Variants in CTNND2 observed in about 807,000 individuals in gnomAD.
The protein encoded by CTNND2 is catenin delta-2.
Under a neutral mutation model 144.4 loss-of-function variants are expected in CTNND2, and 22 were observed. The observed-to-expected ratio is 0.15, with a 90% CI of 0.11 to 0.22. The LOEUF is 0.22. CTNND2 is among the 10% of genes least tolerant of loss of function. The pLI is 1.00. For missense variants in CTNND2, 1,353 were observed against 1,618.8 expected (o/e 0.84, Z 2.82); for synonymous variants, 751 against 695.6 (o/e 1.08, Z -1.25).
At chr5:11,789,096 T>C (rs991921826) in intron 1 of CTNND2, among the ~76,000 whole-genome samples, 6 of 152,022 alleles carry the variant, frequency 3.9e-5, no homozygotes, top group African/African-American at 4.8e-5. Context: ...TGTGGAGAAA[T>C]AGGAACACTT....
At chr5:11,344,434 A>C in intron 9 of CTNND2, among the ~76,000 whole-genome samples, 1 of 152,188 alleles carries the variant, frequency 6.6e-6, no homozygotes, top group East Asian at 1.9e-4. Flanking sequence ...AATTTTAAGA[A>C]AACCCGACAA....
intron 11 of CTNND2, among the ~76,000 whole-genome samples, chr5:11,191,602 C>G (rs1736246697): frequency 6.6e-6 from 1 of 152,298 alleles, no homozygotes; most frequent in African/African-American, 2.4e-5. Flanking sequence ...AAGTGAAGCA[C>G]AGTGCTGAGC....
chr5:11,668,825 A>T (rs914013490), intron 2 of CTNND2, among the ~76,000 whole-genome samples: 1 of 152,066 alleles, frequency 6.6e-6, no homozygotes, highest in African/African-American at 2.4e-5. Flanking sequence ...GTAAGAGATG[A>T]CATCCTTGTC....
At chr5:11,428,708 A>G (rs993750649) in intron 3 of CTNND2, among the ~76,000 whole-genome samples, 1 of 152,160 alleles carries the variant, frequency 6.6e-6, no homozygotes, top group African/African-American at 2.4e-5. Context: ...CATGCTCTGC[A>G]TTTATTTCGC....
intron 9 of CTNND2, among the ~76,000 whole-genome samples, chr5:11,252,777 T>C (rs149100197): frequency 4.2e-4 from 64 of 152,350 alleles, no homozygotes; most frequent in African/African-American, 1.4e-3. Flanking sequence ...TTTTTGTTAC[T>C]ATTTTTATAA....
chr5:11,576,680 T>C (rs1486226494), intron 2 of CTNND2, among the ~76,000 whole-genome samples: 2 of 152,190 alleles, frequency 1.3e-5, no homozygotes, highest in Admixed American at 1.3e-4. Context: ...TTTCAGATAT[T>C]TTTATCCTAC....
At chr5:11,108,936 A>G (rs1259415071) in intron 14 of CTNND2, among the ~76,000 whole-genome samples, 2 of 152,158 alleles carry the variant, frequency 1.3e-5, no homozygotes, top group African/African-American at 2.4e-5. Flanking sequence ...AAATGAATCC[A>G]TTTTGTCTCC....
At chr5:11,436,733 G>A (rs1301026965) in intron 3 of CTNND2, among the ~76,000 whole-genome samples, 1 of 152,144 alleles carries the variant, frequency 6.6e-6, no homozygotes, top group Non-Finnish European at 1.5e-5. Context: ...GATATTTGCT[G>A]ACAGTTTTAA....
rs140836511 is a variant in CTNND2 at position 11,652,214 on chromosome 5, T to A, written c.174+79922A>T. ...TGATAGTGAGTGAGTTATCACGAGA[T>A]CTGGTTGTTTAAAAGCGTGTAGCAC... On this transcript the variant is annotated intron_variant, in intron 2 of 21. Coordinates refer to ENST00000304623, the MANE Select transcript of CTNND2 (RefSeq NM_001332.4). Among the ~76,000 whole-genome samples the A allele has an allele frequency of 2.0e-4, 31 of 152,266 alleles. No individual in the cohort carries two copies. The East Asian group carries it at 5.8e-3, about 28-fold the overall frequency.
intron 16 of CTNND2, among the ~76,000 whole-genome samples, chr5:11,061,578 T>C (rs973709768): frequency 2.6e-5 from 4 of 152,190 alleles, no homozygotes; most frequent in African/African-American, 4.8e-5. Flanking sequence ...CTGGCTCCTG[T>C]CCATCTCTTA....
chr5:10,992,431 T>G, intron 19 of CTNND2, 120 bp downstream of exon 19: 1 of 1,395,978 alleles, frequency 7.2e-7, no homozygotes. Context: ...ATTTCCTACT[T>G]CTAGCGAAGG....
chr5:11,135,619 T>G (rs1339327989), intron 12 of CTNND2, among the ~76,000 whole-genome samples: 1 of 152,246 alleles, frequency 6.6e-6, no homozygotes, highest in African/African-American at 2.4e-5. Context: ...ATACTCATCA[T>G]GGAATATTTT....
chr5:11,724,573 T>G (rs896767411), intron 2 of CTNND2, among the ~76,000 whole-genome samples: 1 of 152,170 alleles, frequency 6.6e-6, no homozygotes, highest in Admixed American at 6.5e-5. Flanking sequence ...GTGGAGGTGG[T>G]GGGCATGGGT....
chr5:11,826,594 T>C (rs1246603656), intron 1 of CTNND2, among the ~76,000 whole-genome samples: 2 of 152,104 alleles, frequency 1.3e-5, no homozygotes, highest in African/African-American at 4.8e-5. Context: ...TCCAATCTAA[T>C]ATGGTCAACA....
chr5:11,787,922 T>C (rs1372644965), intron 1 of CTNND2, among the ~76,000 whole-genome samples: 1 of 152,234 alleles, frequency 6.6e-6, no homozygotes, highest in Non-Finnish European at 1.5e-5. Flanking sequence ...TATAAATTAG[T>C]AACACTGACT....
intron 1 of CTNND2, among the ~76,000 whole-genome samples, chr5:11,751,313 G>T (rs1282469172): frequency 6.6e-6 from 1 of 151,762 alleles, no homozygotes; most frequent in East Asian, 1.9e-4. Context: ...GGGGTCTGGT[G>T]TACAGATTAT....
chr5:11,763,932 C>G (rs1789429197), intron 1 of CTNND2, among the ~76,000 whole-genome samples: 1 of 151,316 alleles, frequency 6.6e-6, no homozygotes, highest in Non-Finnish European at 1.5e-5. Flanking sequence ...CCAAGGATAT[C>G]CAAATTCCAA....
intron 2 of CTNND2, among the ~76,000 whole-genome samples, chr5:11,591,568 A>G (rs1779242708): frequency 6.8e-6 from 1 of 147,526 alleles, no homozygotes; most frequent in South Asian, 2.1e-4. Context: ...TTTTTTGAAT[A>G]ATCTTTGCCA....
At chr5:11,477,453 C>G (rs1767861711) in intron 3 of CTNND2, among the ~76,000 whole-genome samples, 1 of 151,324 alleles carries the variant, frequency 6.6e-6, no homozygotes, top group Admixed American at 6.6e-5. Context: ...AATCTGTTGC[C>G]CAGGTTGAAG....
Sources: gnomAD v4.1 joint callset for allele counts (sites outside exome capture counted in the v4.1 genomes callset) on GRCh38, gnomAD v4.1.1 for gene constraint, MANE v1.5 for transcripts, NCBI Gene and HGNC (gene_info 2026-07-23, HGNC 2026-07-21) for gene names.